The following PUS7 variants were observed in gnomAD, a reference collection of about 807,000 sequenced individuals.
PUS7 encodes the protein pseudouridine synthase 7.
A neutral mutation model predicts 79.8 loss-of-function variants in PUS7; 48 were observed. The observed-to-expected ratio is 0.60, with a 90% CI of 0.48 to 0.76. The LOEUF (loss-of-function observed/expected upper bound fraction) is 0.76, where lower values mean the gene tolerates loss of function less well. PUS7 is among the 30% of genes least tolerant of loss of function. The pLI is 0.00. For synonymous variants in PUS7, 286 were observed against 272.2 expected (o/e 1.05, Z -0.50); for missense variants, 729 against 797.6 (o/e 0.91, Z 1.04).
intron 15 of PUS7, among the ~76,000 whole-genome samples, chr7:105,458,863 C>T (rs1823300437): frequency 6.6e-6 from 1 of 152,022 alleles, no homozygotes; most frequent in Non-Finnish European, 1.5e-5. Flanking sequence ...ACCTGCCCAA[C>T]CAATTTAATT....
At chr7:105,488,579 T>G (rs1824647228) in intron 7 of PUS7, among the ~76,000 whole-genome samples, 1 of 152,214 alleles carries the variant, frequency 6.6e-6, no homozygotes. Flanking sequence ...TGTCATGGAC[T>G]GGGTTATAAC....
chr7:105,511,001 G>C (rs889645764), intron 1 of PUS7, among the ~76,000 whole-genome samples: 2 of 151,992 alleles, frequency 1.3e-5, no homozygotes, highest in South Asian at 2.1e-4. Context: ...AGCATCTACA[G>C]CAAAATAATA....
chr7:105,467,912 C>T (rs541585095), intron 12 of PUS7, among the ~76,000 whole-genome samples: 6 of 151,908 alleles, frequency 3.9e-5, no homozygotes, highest in African/African-American at 1.4e-4. Flanking sequence ...TTGCATGGTC[C>T]CTTCATCTCA....
intron 6 of PUS7, among the ~76,000 whole-genome samples, chr7:105,492,382 C>T (rs1452623104): frequency 1.3e-5 from 2 of 151,258 alleles, no homozygotes; most frequent in African/African-American, 2.4e-5. Flanking sequence ...TGGAGTGCAG[C>T]GGCACAATCT....
chr7:105,457,888 G>A lies in PUS7; in HGVS notation c.1888C>T (p.Pro630Ser). 2 of 1,613,914 alleles carry A rather than the reference G, an allele frequency of 1.2e-6. No homozygotes were observed. Among genetic ancestry groups the A allele is most frequent in the Non-Finnish European group, 1.7e-6 (2 of 1,179,890 alleles). The change falls in exon 16 of 16, where the codon CCC becomes TCC. Residue 630 changes from proline to serine, a missense_variant. Pro to Ser is a moderately conservative substitution (Grantham distance 74). Transcript: ENST00000469408. ...YRALKMDFSL[P>S]PSTYATMAIR... ...GCCATGGTGGCGTAAGTAGAAGGGGGTAGAGAAAAATCCATTTTCAGAGCC... is the reference window on the plus strand; with the variant it reads ...GCCATGGTGGCGTAAGTAGAAGGGGATAGAGAAAAATCCATTTTCAGAGCC...
At chr7:105,520,230 C>T (rs923922474) in intron 1 of PUS7, among the ~76,000 whole-genome samples, 3 of 152,232 alleles carry the variant, frequency 2.0e-5, no homozygotes, top group African/African-American at 4.8e-5. Context: ...GAGGCAGAGG[C>T]GGGCAGATCA....
At chr7:105,458,067 A>C (rs922821847) in intron 15 of PUS7, 141 bp from the exon 16 acceptor site, 1 of 895,656 alleles carries the variant, frequency 1.1e-6, no homozygotes, top group East Asian at 2.9e-5. Context: ...GGAGAATGAG[A>C]CCATGGAAGT....
At chr7:105,505,446 T>G (rs1486546445) in intron 4 of PUS7, among the ~76,000 whole-genome samples, 1 of 152,200 alleles carries the variant, frequency 6.6e-6, no homozygotes, top group African/African-American at 2.4e-5. Context: ...GAGTCCCAAC[T>G]GAGGCCAAGA....
intron 1 of PUS7, among the ~76,000 whole-genome samples, chr7:105,519,348 C>G (rs747589054): frequency 2.1e-4 from 32 of 152,134 alleles, no homozygotes; most frequent in Non-Finnish European, 4.6e-4. Context: ...ATTCTCCTAC[C>G]TCAGCCTCCC....
intron 4 of PUS7, among the ~76,000 whole-genome samples, chr7:105,503,283 G>A (rs17343349): frequency 0.061 from 9,233 of 152,200 alleles, 334 homozygotes; most frequent in South Asian, 0.13. Flanking sequence ...ACACCTTAGG[G>A]ATCCTACATG....
intron 5 of PUS7, among the ~76,000 whole-genome samples, chr7:105,501,941 CGA>C (rs1336853881): frequency 8.9e-6 from 1 of 112,724 alleles, no homozygotes; most frequent in Non-Finnish European, 1.7e-5. Flanking sequence ...GGCGACAGGG[CGA>C]GACTCCGTCT....
chr7:105,513,545 C>T (rs1020709748), intron 1 of PUS7, among the ~76,000 whole-genome samples: 13 of 152,204 alleles, frequency 8.5e-5, no homozygotes, highest in Non-Finnish European at 1.8e-4. Flanking sequence ...ATGGGCTGGG[C>T]GCGGTGGCTC....
chr7:105,486,978 T>C (rs1824576751), intron 7 of PUS7, among the ~76,000 whole-genome samples: 1 of 152,078 alleles, frequency 6.6e-6, no homozygotes, highest in Non-Finnish European at 1.5e-5. Flanking sequence ...GAGGATTACT[T>C]GAACCTCAGA....
At chr7:105,517,120 T>G (rs369359751) in intron 1 of PUS7, among the ~76,000 whole-genome samples, 6 of 152,226 alleles carry the variant, frequency 3.9e-5, no homozygotes, top group South Asian at 4.1e-4. Context: ...AGGAAGAGAA[T>G]GAACTCCTCT....
intron 1 of PUS7, 62 bp from the exon 2 acceptor site, chr7:105,508,606 G>T: frequency 6.6e-7 from 1 of 1,523,216 alleles, no homozygotes; most frequent in Non-Finnish European, 8.8e-7. Context: ...GGCCGGGCGC[G>T]GTGGCTCACA....
At chr7:105,486,193 C>A (rs908395613) in intron 7 of PUS7, among the ~76,000 whole-genome samples, 1 of 151,990 alleles carries the variant, frequency 6.6e-6, no homozygotes, top group South Asian at 2.1e-4. Flanking sequence ...GCTGGGATTA[C>A]AGACGCCTGC....
At chr7:105,497,591 A>G (rs1825087420) in intron 5 of PUS7, among the ~76,000 whole-genome samples, 1 of 152,212 alleles carries the variant, frequency 6.6e-6, no homozygotes, top group Non-Finnish European at 1.5e-5. Context: ...AGCCATCTGC[A>G]TATAAAAAAG....
chr7:105,465,266 A>G (rs543912023), intron 13 of PUS7, 47 bp downstream of exon 13: 2 of 1,356,270 alleles, frequency 1.5e-6, no homozygotes, highest in African/African-American at 1.4e-5. Context: ...TAGTAGCTTC[A>G]TTATGTTAAA....
intron 7 of PUS7, among the ~76,000 whole-genome samples, chr7:105,483,272 C>T (rs1056974903): frequency 6.6e-6 from 1 of 152,092 alleles, no homozygotes; most frequent in African/African-American, 2.4e-5. Context: ...AAGTGAATCT[C>T]CTGCCTCAGC....
Sources: allele counts gnomAD v4.1 joint callset (sites outside exome capture counted in the v4.1 genomes callset), GRCh38; gene constraint gnomAD v4.1.1; transcripts MANE v1.5; gene names NCBI Gene and HGNC (gene_info 2026-07-23, HGNC 2026-07-21).